Variants in MACF1 observed in about 807,000 individuals in gnomAD.
The protein encoded by MACF1 is microtubule-actin cross-linking factor 1.
A neutral mutation model predicts 854.8 loss-of-function variants in MACF1; 193 were observed. The observed-to-expected ratio is 0.23, with a 90% confidence interval of 0.20 to 0.25. MACF1 has a LOEUF of 0.25. MACF1 is among the 10% of genes least tolerant of loss of function. MACF1 has a pLI of 1.00. For synonymous variants in MACF1, 3,185 were observed against 3,226.7 expected (o/e 0.99, Z 0.44); for missense variants, 7,722 against 8,929.1 (o/e 0.86, Z 5.45).
intron 49 of MACF1, among the ~76,000 whole-genome samples, chr1:39,362,890 A>C (rs1010890156): frequency 6.6e-6 from 1 of 152,240 alleles, no homozygotes; most frequent in Non-Finnish European, 1.5e-5. Context: ...GCAACACCAT[A>C]GGAATCTTCC....
intron 54 of MACF1, 111 bp from the exon 55 acceptor site, chr1:39,380,133 G>C (rs1276031139): frequency 9.7e-7 from 1 of 1,030,112 alleles, no homozygotes; most frequent in African/African-American, 1.6e-5. Flanking sequence ...TCATTGATAG[G>C]ATCCTAGTAG....
chr1:39,161,920 G>A (rs1164626804), intron 2 of MACF1, among the ~76,000 whole-genome samples: 1 of 151,178 alleles, frequency 6.6e-6, no homozygotes, highest in Non-Finnish European at 1.5e-5. Context: ...AGCCGGGCAT[G>A]ATGGTGTGCG....
chr1:39,124,596 C>T (rs1642813215), intron 2 of MACF1, among the ~76,000 whole-genome samples: 1 of 152,100 alleles, frequency 6.6e-6, no homozygotes, highest in Admixed American at 6.6e-5. Flanking sequence ...CTCTTTTTCT[C>T]TTTATCTCTC....
intron 70 of MACF1, 119 bp downstream of exon 70, chr1:39,435,880 G>C: frequency 1.2e-6 from 1 of 812,538 alleles, no homozygotes; most frequent in Non-Finnish European, 2.0e-6. Context: ...ATACGTGATC[G>C]GTAGATAGAA....
intron 2 of MACF1, among the ~76,000 whole-genome samples, chr1:39,236,728 C>G (rs1644863581): frequency 6.6e-6 from 1 of 152,132 alleles, no homozygotes; most frequent in Non-Finnish European, 1.5e-5. Flanking sequence ...GTGGCGCAAT[C>G]TCAGCTCACT....
intron 58 of MACF1, among the ~76,000 whole-genome samples, chr1:39,420,887 A>G (rs530460563): frequency 2.3e-5 from 3 of 130,856 alleles, no homozygotes; most frequent in Admixed American, 8.0e-5. Flanking sequence ...TTTTTTTGAG[A>G]TGGAGTCTTG....
At chr1:39,426,862 G>A (rs1418924579) in intron 61 of MACF1, among the ~76,000 whole-genome samples, 1 of 151,730 alleles carries the variant, frequency 6.6e-6, no homozygotes, top group Non-Finnish European at 1.5e-5. Context: ...CCTTAAATCT[G>A]GATTCAAAGT....
intron 58 of MACF1, among the ~76,000 whole-genome samples, chr1:39,417,751 G>GT (rs1557643514): frequency 9.9e-6 from 1 of 101,064 alleles, no homozygotes; most frequent in Non-Finnish European, 2.0e-5. Context: ...TTTTTTTTTG[G>GT]ATTTTTAGTA....
At chr1:39,120,659 G>A (rs566473413) in intron 2 of MACF1, among the ~76,000 whole-genome samples, 1 of 152,234 alleles carries the variant, frequency 6.6e-6, no homozygotes, top group Non-Finnish European at 1.5e-5. Context: ...ACCACACCCG[G>A]CCAACAATGC....
chr1:39,213,363 G>A (rs1251069020), intron 1 of MACF1, among the ~76,000 whole-genome samples: 2 of 151,798 alleles, frequency 1.3e-5, no homozygotes, highest in South Asian at 2.1e-4. Flanking sequence ...AGAGAGTCTC[G>A]CTCTGTGGCC....
At chr1:39,379,178 C>A (rs763659783) in intron 53 of MACF1, 25 bp from the exon 54 acceptor site, 42 of 1,543,886 alleles carry the variant, frequency 2.7e-5, no homozygotes, top group Non-Finnish European at 3.7e-5. Flanking sequence ...TGTCTCCAAT[C>A]TGATTTCTGT....
Position 39,385,771 on chromosome 1 carries a change from T to G in MACF1, c.14186T>G (p.Ile4729Ser). ...CAGCAATTGGAAGAGACCAGTGAAA[T>G]TCGATCTGACTTGGAGCAGTTAGAC... Reference protein sequence around the residue: ...VKQQLEETSEIRSDLEQLDHE... With the variant: ...VKQQLEETSESRSDLEQLDHE... Residue 4729 changes from isoleucine (I) to serine (S), a missense_variant, in exon 57 of 101, where the codon ATT becomes AGT. By Grantham distance (142) the Ile-to-Ser change is moderately radical. Coordinates refer to ENST00000564288, the MANE Select transcript of MACF1 (RefSeq NM_001394062.1). 6.2e-7 allele frequency: 1 copy of G among 1,614,056 alleles called. No homozygotes were observed. The highest frequency in any genetic ancestry group is 8.5e-7 in the Non-Finnish European group (1 of 1,180,010).
In MACF1 at chr1:39,295,049, T is replaced by G. The variant is rs762234378; in HGVS notation, c.2158T>G (p.Leu720Val). Residue 720 changes from leucine (L) to valine (V), a missense_variant, in exon 19 of 101, where the codon TTG (leucine) becomes GTG (valine). Leu to Val is a conservative substitution (Grantham distance 32). This residue lies in a region of MACF1 where 1,137 missense variants were observed against 1,263.0 expected (regional missense o/e 0.90). Coordinates refer to ENST00000564288, the MANE Select transcript of MACF1 (RefSeq NM_001394062.1). Reference protein sequence around the residue: ...ISAKRNYFSELTMELEEKQDV... With the variant: ...ISAKRNYFSEVTMELEEKQDV... ...TAAAATTGAATTCCATTTTCAGGAG[T>G]TGACAATGGAACTGGAGGAGAAACA... is the stretch of plus-strand genomic sequence containing the variant. 6.2e-7 allele frequency: 1 copy of G among 1,610,456 alleles called. No individual in the cohort carries two copies. Among genetic ancestry groups the G allele is most frequent in the South Asian group, 1.1e-5 (1 of 90,988 alleles).
intron 2 of MACF1, among the ~76,000 whole-genome samples, chr1:39,160,718 G>C (rs554495234): frequency 1.1e-3 from 164 of 152,270 alleles, no homozygotes; most frequent in African/African-American, 3.9e-3. Flanking sequence ...TGTTGCTATA[G>C]GTCTTAGACA....
In MACF1 at chr1:39,447,728, A is replaced by G; in HGVS notation, c.19798A>G (p.Ile6600Val). 2 of 1,614,168 alleles carry G rather than the reference A, an allele frequency of 1.2e-6. No individual in the cohort carries two copies. The highest frequency in any genetic ancestry group is 1.7e-6 in the Non-Finnish European group (2 of 1,180,026). The change falls in exon 82 of 101, where the codon ATC (isoleucine) becomes GTC (valine). Residue 6600 changes from isoleucine to valine, a missense_variant. Physicochemically the swap from Ile to Val is conservative, Grantham distance 29 (BLOSUM62 3). Around this residue, in one of 15 missense-constraint regions of MACF1, gnomAD observed 729 missense variants for 900.5 expected, o/e 0.81. Transcript: ENST00000564288. ...ANEVNAHRDQ[I>V]IELDQTGNQL... ...TGAAGTAAATGCTCATCGAGACCAG[A>G]TCATTGAGCTGGATCAAACTGGGAA...
At chr1:39,395,844 C>T (rs1642252836) in intron 58 of MACF1, among the ~76,000 whole-genome samples, 1 of 152,126 alleles carries the variant, frequency 6.6e-6, no homozygotes, top group East Asian at 1.9e-4. Flanking sequence ...TTTTCCAGCT[C>T]CCTTTTAAAA....
intron 3 of MACF1, among the ~76,000 whole-genome samples, chr1:39,250,647 C>T (rs1645030518): frequency 6.6e-6 from 1 of 152,164 alleles, no homozygotes; most frequent in Admixed American, 6.5e-5. Context: ...GGAGAGCTGC[C>T]AAAGTTGTCT....
At chr1:39,297,831 C>A in intron 21 of MACF1, 86 bp downstream of exon 21, 2 of 1,489,154 alleles carry the variant, frequency 1.3e-6, no homozygotes, top group South Asian at 1.2e-5. Flanking sequence ...TTGAAAGCTC[C>A]AGGGCAATGG....
At position 39,485,910 on chromosome 1, in the gene MACF1, GTTATGAAGCTGCCTTATTTTT is replaced by G. The variant is rs1432381108; in HGVS notation, c.*119_*139del. On this transcript the variant is annotated 3_prime_UTR_variant, in exon 101 of 101. Coordinates refer to ENST00000564288, the MANE Select transcript of MACF1 (RefSeq NM_001394062.1). ...GTTAAAAGTGTAAAAGAATAATTGT[GTTATGAAGCTGCCTTATTTTT>G]TTTCTTTTTGTAAGTTACTATTTTC... 1 of 1,132,006 alleles carries G rather than the reference GTTATGAAGCTGCCTTATTTTT, an allele frequency of 8.8e-7. No homozygotes were observed. Among genetic ancestry groups the G allele is most frequent in the African/African-American group, 1.6e-5 (1 of 62,188 alleles). The allele number at this position is 1,132,006 out of a possible 1,614,324, so 70.1% of individuals were successfully genotyped here.
Sources: gnomAD v4.1 joint callset for allele counts (sites outside exome capture counted in the v4.1 genomes callset) on GRCh38, gnomAD v4.1.1 for gene constraint, gnomAD v4.1.1 regional missense constraint, MANE v1.5 for transcripts, NCBI Gene and HGNC (gene_info 2026-07-23, HGNC 2026-07-21) for gene names.